Variants in ACOXL observed in about 807,000 individuals in gnomAD.
ACOXL encodes the protein acyl-coenzyme A oxidase-like protein.
In ACOXL, 70 loss-of-function variants were observed where a neutral mutation model predicts 71.9. The observed-to-expected ratio is 0.97, with a 90% CI of 0.80 to 1.19. The LOEUF is 1.19. Among genes scored for constraint, ACOXL ranks in the 50% most tolerant of loss-of-function variants. The pLI, the probability that ACOXL is intolerant of heterozygous loss-of-function variation, is 0.00. For missense variants in ACOXL, 703 were observed against 736.3 expected, an observed-to-expected ratio of 0.95 and a Z score of 0.52; for synonymous variants, 253 against 281.6, an observed-to-expected ratio of 0.90 and a Z score of 1.02.
chr2:110,761,848 C>T (rs1680439516), intron 1 of ACOXL, among the ~76,000 whole-genome samples: 1 of 152,194 alleles, frequency 6.6e-6, no homozygotes, highest in African/African-American at 2.4e-5. Context: ...TCTCTCTCAG[C>T]CTGAGGATAC....
chr2:110,861,830 C>G (rs1693990815), intron 10 of ACOXL, among the ~76,000 whole-genome samples: 3 of 152,200 alleles, frequency 2.0e-5, no homozygotes, highest in African/African-American at 4.8e-5. Flanking sequence ...GATTTTCTCA[C>G]CGGGCTGCAC....
intron 17 of ACOXL, among the ~76,000 whole-genome samples, chr2:111,094,900 A>G (rs2068724313): frequency 2.0e-5 from 3 of 152,118 alleles, no homozygotes; most frequent in Non-Finnish European, 4.4e-5. Context: ...CATGTAGCCT[A>G]GTTTGGGCCT....
At chr2:110,811,474 T>G (rs1486746461) in intron 9 of ACOXL, among the ~76,000 whole-genome samples, 1 of 152,126 alleles carries the variant, frequency 6.6e-6, no homozygotes, top group Non-Finnish European at 1.5e-5. Context: ...CCTGAAAATG[T>G]GTGGTGCTCA....
intron 9 of ACOXL, among the ~76,000 whole-genome samples, chr2:110,823,771 C>G (rs1299311921): frequency 6.6e-6 from 1 of 152,176 alleles, no homozygotes; most frequent in Admixed American, 6.5e-5. Flanking sequence ...ATATTTTTGG[C>G]AAGTATCTGT....
intron 12 of ACOXL, among the ~76,000 whole-genome samples, chr2:110,985,400 A>C (rs964873281): frequency 6.6e-6 from 1 of 152,220 alleles, no homozygotes; most frequent in Admixed American, 6.5e-5. Flanking sequence ...ATCACGGATC[A>C]CATAACCTAT....
rs769025643 is a variant in ACOXL, at chr2:111,049,254, G to A, written c.1406G>A (p.Cys469Tyr). The A allele has an allele frequency of 2.9e-5, 47 of 1,612,746 alleles. 1 individual carries two copies. The highest frequency in any genetic ancestry group is 3.9e-5 in the Non-Finnish European group (46 of 1,178,878). Reference sequence around the variant, plus strand: ...CAGTTCTCCCTAGCAGTGAAGAGCTGTCCTGACCAAGAGGACCAGACTTTG... The same window carrying A: ...CAGTTCTCCCTAGCAGTGAAGAGCTATCCTGACCAAGAGGACCAGACTTTG... Reference protein sequence around the residue: ...LEQFSLAVKSCPDQEDQTLLM... With the variant: ...LEQFSLAVKSYPDQEDQTLLM... Residue 469 changes from cysteine (C) to tyrosine (Y), a missense_variant, in exon 16 of 18, where the codon TGT (cysteine) becomes TAT (tyrosine). By Grantham distance (194) the Cys-to-Tyr change is radical (BLOSUM62 -2). Transcript: ENST00000439055.
At chr2:111,046,228 C>T (rs569833044) in intron 15 of ACOXL, among the ~76,000 whole-genome samples, 7 of 152,278 alleles carry the variant, frequency 4.6e-5, no homozygotes, top group South Asian at 4.1e-4. Flanking sequence ...AAGTGGGCTC[C>T]GGGCTCCACA....
At chr2:110,960,948 T>C (rs1352287778) in intron 12 of ACOXL, among the ~76,000 whole-genome samples, 1 of 152,232 alleles carries the variant, frequency 6.6e-6, no homozygotes, top group Admixed American at 6.5e-5. Context: ...AGGACATGGA[T>C]GCTGGGACTT....
intron 1 of ACOXL, among the ~76,000 whole-genome samples, chr2:110,760,794 T>TC (rs1261095635): frequency 6.6e-6 from 1 of 152,206 alleles, no homozygotes; most frequent in Non-Finnish European, 1.5e-5. Flanking sequence ...ACTTTTTTTT[T>TC]CATTAGTGTT....
intron 10 of ACOXL, chr2:110,887,509 T>A (rs1285736771): frequency 6.6e-6 from 1 of 152,294 alleles, no homozygotes; most frequent in Admixed American, 6.5e-5. Flanking sequence ...GACTAGAGTG[T>A]AGTGGCATGA....
chr2:110,804,507 A>G (rs1686389557), intron 8 of ACOXL, among the ~76,000 whole-genome samples: 1 of 152,244 alleles, frequency 6.6e-6, no homozygotes, highest in African/African-American at 2.4e-5. Context: ...ATGCAAACCT[A>G]TATCCACACA....
chr2:110,975,053 G>A (rs1263059179), intron 12 of ACOXL, among the ~76,000 whole-genome samples: 1 of 152,158 alleles, frequency 6.6e-6, no homozygotes, highest in Admixed American at 6.5e-5. Context: ...TGTGTGCTGC[G>A]TACCAGCGGT....
intron 12 of ACOXL, among the ~76,000 whole-genome samples, chr2:110,948,047 G>T (rs1232677746): frequency 1.3e-5 from 2 of 152,170 alleles, no homozygotes; most frequent in East Asian, 3.9e-4. Flanking sequence ...TCTCATCTCT[G>T]CCCCCAGCTG....
intron 16 of ACOXL, among the ~76,000 whole-genome samples, chr2:111,066,258 T>C (rs13024581): frequency 0.073 from 11,120 of 152,222 alleles, 577 homozygotes; most frequent in Non-Finnish European, 0.11. Flanking sequence ...AAAATTTTGC[T>C]GAGTGGAAGA....
At chr2:110,896,699 T>C (rs1475424018) in intron 10 of ACOXL, among the ~76,000 whole-genome samples, 1 of 152,194 alleles carries the variant, frequency 6.6e-6, no homozygotes, top group Non-Finnish European at 1.5e-5. Context: ...TAAATGTCTA[T>C]GTAAAACACA....
chr2:110,938,480 G>T (rs569972753), intron 12 of ACOXL, among the ~76,000 whole-genome samples: 4 of 152,200 alleles, frequency 2.6e-5, no homozygotes, highest in Non-Finnish European at 4.4e-5. Context: ...GACACTTCAC[G>T]TCAGCTATTC....
At chr2:110,977,798 A>G (rs1451963876) in intron 12 of ACOXL, among the ~76,000 whole-genome samples, 1 of 152,172 alleles carries the variant, frequency 6.6e-6, no homozygotes, top group African/African-American at 2.4e-5. Flanking sequence ...ATTGGGGACT[A>G]TGAGTTCTTG....
chr2:111,011,017 A>G (rs2064125515), intron 14 of ACOXL, among the ~76,000 whole-genome samples: 1 of 152,210 alleles, frequency 6.6e-6, no homozygotes, highest in African/African-American at 2.4e-5. Context: ...AATGCTAAAC[A>G]TATAAGGAAC....
At chr2:110,952,518 G>T (rs1296379080) in intron 12 of ACOXL, among the ~76,000 whole-genome samples, 3 of 152,114 alleles carry the variant, frequency 2.0e-5, no homozygotes, top group African/African-American at 4.8e-5. Flanking sequence ...CTAGAGTGCA[G>T]TAGCGTGATC....
Sources: allele counts gnomAD v4.1 joint callset (sites outside exome capture counted in the v4.1 genomes callset), GRCh38; gene constraint gnomAD v4.1.1; transcripts MANE v1.5; gene names NCBI Gene and HGNC (gene_info 2026-07-23, HGNC 2026-07-21).